Variants in RPP30 observed in about 807,000 individuals in gnomAD.
RPP30 encodes ribonuclease P/MRP subunit p30.
A neutral mutation model predicts 38.6 loss-of-function variants in RPP30; 36 were observed. The ratio of observed to expected loss-of-function variants is 0.93; its 90% CI spans 0.71 to 1.23. The LOEUF (loss-of-function observed/expected upper bound fraction) is 1.23. Among genes scored for constraint, RPP30 ranks in the 50% most tolerant of loss-of-function variants. RPP30 has a pLI of 0.00. For missense variants in RPP30, 321 were observed against 321.7 expected, an observed-to-expected ratio of 1.00 and a Z score of 0.02; for synonymous variants, 126 against 112.7, an observed-to-expected ratio of 1.12 and a Z score of -0.75.
chr10:90,879,764 G>A (rs1034073670), intron 5 of RPP30, among the ~76,000 whole-genome samples: 1 of 152,140 alleles, frequency 6.6e-6, no homozygotes, highest in Non-Finnish European at 1.5e-5. Flanking sequence ...ATGCTTGTTT[G>A]TCACCTTGAG....
chr10:90,904,857 A>G (rs1847237228), downstream of RPP30, among the ~76,000 whole-genome samples: 1 of 152,194 alleles, frequency 6.6e-6, no homozygotes. Context: ...ACTTCATTAT[A>G]TTAATTTAAA....
intron 6 of RPP30, among the ~76,000 whole-genome samples, chr10:90,891,223 T>A (rs567782076): frequency 2.6e-4 from 39 of 152,356 alleles, no homozygotes; most frequent in African/African-American, 9.4e-4. Context: ...CTTCCTTGCC[T>A]CTTTTTAGCT....
downstream of RPP30, among the ~76,000 whole-genome samples, chr10:90,902,550 C>T (rs1467005958): frequency 6.6e-6 from 1 of 152,068 alleles, no homozygotes; most frequent in African/African-American, 2.4e-5. Context: ...AATGCAGTAT[C>T]CTTTATCATA....
intron 5 of RPP30, among the ~76,000 whole-genome samples, chr10:90,882,266 T>G (rs1438543484): frequency 6.6e-6 from 1 of 152,228 alleles, no homozygotes; most frequent in Non-Finnish European, 1.5e-5. Flanking sequence ...TTAAAAAATT[T>G]TTGAGCCTGC....
rs748899504 is a variant in RPP30, at chr10:90,900,617, C to T, written c.745C>T (p.Arg249Trp). The T allele has an allele frequency of 2.0e-5, 32 of 1,613,430 alleles. No homozygotes were observed. The highest frequency in any genetic ancestry group is 1.7e-4 in the South Asian group (15 of 90,904). The change falls in exon 11 of 11, where the codon CGG (arginine) becomes TGG (tryptophan). Residue 249 changes from arginine to tryptophan, a missense_variant. Arg to Trp is a moderately radical substitution (Grantham distance 101). Coordinates refer to ENST00000371703, the MANE Select transcript of RPP30 (RefSeq NM_006413.5). ...AATTATCTCTACAGTGAAGAAACCT[C>T]GGCCATCAGAAGGAGATGAAGATTG... ...FGIISTVKKP[R>W]PSEGDEDCLP...
intron 1 of RPP30, among the ~76,000 whole-genome samples, 168 bp from the exon 2 acceptor site, chr10:90,874,701 A>G (rs1846827724): frequency 6.6e-6 from 1 of 152,198 alleles, no homozygotes; most frequent in Non-Finnish European, 1.5e-5. Context: ...AGTAACTTGT[A>G]AGTGGTAGTG....
At chr10:90,884,165 A>G (rs1846968578) in intron 5 of RPP30, among the ~76,000 whole-genome samples, 1 of 152,196 alleles carries the variant, frequency 6.6e-6, no homozygotes, top group South Asian at 2.1e-4. Context: ...AATGACTGTC[A>G]TTGTACTAAT....
downstream of RPP30, chr10:90,902,328 C>T (rs954557580): frequency 2.6e-6 from 1 of 386,382 alleles, no homozygotes; most frequent in Non-Finnish European, 5.1e-6. Flanking sequence ...AGCCATCCTC[C>T]CACCTCAGCC....
At chr10:90,878,256 C>G (rs1317430929) in intron 4 of RPP30, among the ~76,000 whole-genome samples, 3 of 152,182 alleles carry the variant, frequency 2.0e-5, no homozygotes, top group African/African-American at 7.2e-5. Flanking sequence ...GCCCTCTTAC[C>G]TGCTCAAGCA....
downstream of RPP30, chr10:90,908,184 A>G (rs1847273765): frequency 6.6e-6 from 1 of 152,128 alleles, no homozygotes; most frequent in Non-Finnish European, 1.5e-5. Context: ...TTATGGGACC[A>G]CCTTTGTATA....
intron 6 of RPP30, among the ~76,000 whole-genome samples, chr10:90,889,872 T>C (rs1847052809): frequency 6.6e-6 from 1 of 152,204 alleles, no homozygotes; most frequent in Non-Finnish European, 1.5e-5. Flanking sequence ...ACAAACCTCT[T>C]CTGGAGTCTA....
chr10:90,874,235 C>G (rs1209707223), intron 1 of RPP30, among the ~76,000 whole-genome samples: 1 of 152,124 alleles, frequency 6.6e-6, no homozygotes. Context: ...ATGTCCAGAA[C>G]AGTGCTAACT....
chr10:90,892,394 T>G (rs1398989904), intron 6 of RPP30, among the ~76,000 whole-genome samples: 1 of 152,224 alleles, frequency 6.6e-6, no homozygotes, highest in Non-Finnish European at 1.5e-5. Context: ...TTTTCAAGAA[T>G]TCCTATAGCA....
exon 5 of RPP30, chr10:90,908,353 A>G (rs1344122881): frequency 2.0e-5 from 3 of 152,124 alleles, no homozygotes. Flanking sequence ...CTGGCCAAGA[A>G]CTACTGGCAT....
In RPP30 at chr10:90,896,410, G is replaced by A. The variant is rs1417342066; in HGVS notation, c.697+18G>A. 2 of 1,599,622 alleles carry A rather than the reference G, an allele frequency of 1.3e-6. No individual in the cohort carries two copies. Among genetic ancestry groups the A allele is most frequent in the Non-Finnish European group, 1.7e-6 (2 of 1,166,940 alleles). On this transcript the variant is annotated intron_variant, in intron 10 of 10. Transcript: ENST00000371703. The stretch of plus-strand genomic sequence containing the variant: ...CCATGGAGGTAAGCAAGTTCTTCCA[G>A]TACAAACTGAATGGTCATGTTAAAA...
At chr10:90,908,556 A>T (rs1485419001), downstream of RPP30, 1 of 152,050 alleles carries the variant, frequency 6.6e-6, no homozygotes, top group African/African-American at 2.4e-5. Flanking sequence ...CATTATTATT[A>T]TATGTGTTTT....
intron 5 of RPP30, among the ~76,000 whole-genome samples, chr10:90,883,792 A>T (rs1275111030): frequency 6.6e-6 from 1 of 152,216 alleles, no homozygotes; most frequent in Admixed American, 6.5e-5. Context: ...AATAATTTAC[A>T]TTCACAATGA....
In RPP30 at chr10:90,889,304, C is replaced by CTTT. The variant is rs59640704; in HGVS notation, c.432+3423_432+3425dup. Among the ~76,000 whole-genome samples the CTTT allele has an allele frequency of 4.4e-3, 466 of 106,508 alleles. 9 individuals are homozygous for CTTT. The highest frequency in any genetic ancestry group is 8.2e-3 in the East Asian group (28 of 3,418). The allele number at this position is 106,508 out of a possible 152,430, so 69.9% of individuals were successfully genotyped here. ...TAAAAGGATCACTTTATAAGGATTA[C>CTTT]TTTTTTTTTTTTTTTTTTTTTTGAG... is the stretch of plus-strand genomic sequence containing the variant. On this transcript the variant is annotated intron_variant, in intron 6 of 10. Transcript: ENST00000371703.
chr10:90,902,043 C>T lies in RPP30; in HGVS notation c.*1364C>T, dbSNP rs1451090028. On this transcript the variant is annotated 3_prime_UTR_variant, in exon 11 of 11. Coordinates refer to ENST00000371703, the MANE Select transcript of RPP30 (RefSeq NM_006413.5). Reference sequence around the variant, plus strand: ...CAATCTCCTGACCTCATATTCCACCCGCCTCGGCCTCCCAAAGTGCTGGGA... The same window carrying T: ...CAATCTCCTGACCTCATATTCCACCTGCCTCGGCCTCCCAAAGTGCTGGGA... 8 of 694,476 alleles carry T rather than the reference C, an allele frequency of 1.2e-5. No homozygotes were observed. The Admixed American group carries it at 2.5e-4, about 22-fold the overall frequency. 43.0% of individuals were successfully genotyped at this position (694,476 alleles called of 1,614,324 possible).
Sources: gnomAD v4.1 joint callset for allele counts (sites outside exome capture counted in the v4.1 genomes callset) on GRCh38, gnomAD v4.1.1 for gene constraint, MANE v1.5 for transcripts, NCBI Gene and HGNC (gene_info 2026-07-23, HGNC 2026-07-21) for gene names.